Variants in MARCHF3 observed in about 807,000 individuals in gnomAD.
The protein encoded by MARCHF3 is E3 ubiquitin-protein ligase MARCHF3.
A neutral mutation model predicts 24.2 loss-of-function variants in MARCHF3; 13 were observed. That is an observed-to-expected ratio of 0.54 (90% CI 0.35 to 0.85). The LOEUF is 0.85. Ranked by LOEUF, MARCHF3 falls within the 40% of genes least tolerant of loss-of-function variation. MARCHF3 has a pLI of 0.01. For missense variants in MARCHF3, 276 were observed against 325.0 expected (o/e 0.85, Z 1.16); for synonymous variants, 144 against 137.3 (o/e 1.05, Z -0.34).
At position 126,998,142 on chromosome 5, in the gene MARCHF3, T is replaced by G. The variant is rs550351305; in HGVS notation, c.-57+32208A>C. On this transcript the variant is annotated intron_variant, in intron 1 of 4. Transcript: ENST00000308660. ...TTGGGTCTTGGAGAACTTTTATCTTTTATTTTGTCACAAGTAAATTAGAAA... is the reference window on the plus strand; with the variant it reads ...TTGGGTCTTGGAGAACTTTTATCTTGTATTTTGTCACAAGTAAATTAGAAA... 4.1e-4 allele frequency among the ~76,000 whole-genome samples: 62 copies of G among 152,340 alleles called. 1 individual carries two copies. In the East Asian group the frequency reaches 0.011, roughly 28 times the overall value.
At chr5:126,956,306 A>T (rs903734153) in intron 1 of MARCHF3, among the ~76,000 whole-genome samples, 1 of 152,142 alleles carries the variant, frequency 6.6e-6, no homozygotes, top group African/African-American at 2.4e-5. Flanking sequence ...CAGAGATCTT[A>T]TATTTCCCAT....
At chr5:127,028,579 G>A (rs919745142) in intron 1 of MARCHF3, among the ~76,000 whole-genome samples, 2 of 146,134 alleles carry the variant, frequency 1.4e-5, no homozygotes, top group African/African-American at 5.1e-5. Flanking sequence ...TTTTTTTTTG[G>A]TGCAAAATGA....
At chr5:126,897,566 C>G (rs1420477822) in intron 3 of MARCHF3, among the ~76,000 whole-genome samples, 1 of 151,958 alleles carries the variant, frequency 6.6e-6, no homozygotes, top group Admixed American at 6.6e-5. Flanking sequence ...TCTTATTGAG[C>G]AAGAATGGCA....
intron 1 of MARCHF3, among the ~76,000 whole-genome samples, chr5:127,015,363 GA>G (rs1382884747): frequency 6.6e-6 from 1 of 152,162 alleles, no homozygotes; most frequent in Non-Finnish European, 1.5e-5. Flanking sequence ...AAGGTCGAGG[GA>G]AGATGAGCAG....
At chr5:126,927,425 C>T (rs533208760) in intron 1 of MARCHF3, among the ~76,000 whole-genome samples, 1 of 152,308 alleles carries the variant, frequency 6.6e-6, no homozygotes, top group South Asian at 2.1e-4. Flanking sequence ...TAGGGAACCT[C>T]TTTAGGGAAC....
At position 126,998,449 on chromosome 5, in the gene MARCHF3, G is replaced by A. The variant is rs148361300; in HGVS notation, c.-57+31901C>T. Among the ~76,000 whole-genome samples, 3 of 152,322 alleles carry A rather than the reference G, an allele frequency of 2.0e-5. No individual in the cohort carries two copies. In the East Asian group the frequency reaches 5.8e-4, roughly 29 times the overall value. On this transcript the variant is annotated intron_variant, in intron 1 of 4. Coordinates refer to ENST00000308660, the MANE Select transcript of MARCHF3 (RefSeq NM_178450.5). ...TGAAACTGGAGAAGCTACACAAGAT[G>A]GGCATTTGGCCTTTCACCAACATGC...
intron 4 of MARCHF3, among the ~76,000 whole-genome samples, chr5:126,874,018 A>G (rs755814267): frequency 6.6e-6 from 1 of 152,262 alleles, no homozygotes; most frequent in Admixed American, 6.5e-5. Context: ...TGCTCCAACA[A>G]TAATGTTAGG....
At chr5:126,944,373 G>A (rs1251609785) in intron 1 of MARCHF3, among the ~76,000 whole-genome samples, 2 of 152,214 alleles carry the variant, frequency 1.3e-5, no homozygotes, top group Admixed American at 6.5e-5. Context: ...TGAAGTGGGT[G>A]GATGGCTTGA....
intron 1 of MARCHF3, among the ~76,000 whole-genome samples, chr5:126,922,511 CT>C (rs869136513): frequency 8.9e-6 from 1 of 112,260 alleles, no homozygotes; most frequent in African/African-American, 3.2e-5. Context: ...TCATTTCTGT[CT>C]TTTATTTATT....
At chr5:126,997,517 G>A (rs993624438) in intron 1 of MARCHF3, among the ~76,000 whole-genome samples, 5 of 152,202 alleles carry the variant, frequency 3.3e-5, no homozygotes, top group Admixed American at 3.3e-4. Flanking sequence ...CCCCTTACCA[G>A]GTAGAACTTC....
chr5:126,989,313 C>T (rs555874227), intron 1 of MARCHF3, among the ~76,000 whole-genome samples: 1 of 142,664 alleles, frequency 7.0e-6, no homozygotes, highest in East Asian at 2.0e-4. Flanking sequence ...ACTAGTACTA[C>T]TACTACTACT....
At chr5:126,974,271 G>T (rs1751120207) in intron 1 of MARCHF3, among the ~76,000 whole-genome samples, 1 of 152,178 alleles carries the variant, frequency 6.6e-6, no homozygotes, top group African/African-American at 2.4e-5. Context: ...CCCTCAAGCA[G>T]GTCAGATTGC....
Position 126,917,860 on chromosome 5 carries a change from T to C in MARCHF3, c.188+124A>G, listed in dbSNP as rs1050319992. On this transcript the variant is annotated intron_variant, in intron 2 of 4. Coordinates refer to ENST00000308660, the MANE Select transcript of MARCHF3 (RefSeq NM_178450.5). ...ACTCGTGTAGTCTTTTTTTTTTTTT[T>C]CCAGCACCTCCTCTCACCTGACACA... 11 of 940,918 alleles carry C rather than the reference T, an allele frequency of 1.2e-5. No homozygotes were observed. The African/African-American group carries it at 1.4e-4, about 12-fold the overall frequency. 58.3% of individuals were successfully genotyped at this position (940,918 alleles called of 1,614,324 possible).
intron 1 of MARCHF3, among the ~76,000 whole-genome samples, chr5:126,983,135 C>T (rs1407536930): frequency 6.6e-6 from 1 of 152,188 alleles, no homozygotes; most frequent in Non-Finnish European, 1.5e-5. Flanking sequence ...CTGGCTTAAC[C>T]ATGCAGAGGA....
intron 4 of MARCHF3, among the ~76,000 whole-genome samples, chr5:126,876,940 G>A (rs1464589335): frequency 1.3e-5 from 2 of 152,212 alleles, no homozygotes; most frequent in Non-Finnish European, 2.9e-5. Context: ...ATGAGCCACC[G>A]CGCCCAGCTG....
chr5:127,006,811 T>C (rs1217880905), intron 1 of MARCHF3, among the ~76,000 whole-genome samples: 2 of 152,160 alleles, frequency 1.3e-5, no homozygotes, highest in African/African-American at 4.8e-5. Flanking sequence ...ATATTAAAGG[T>C]TTGTTTTTAT....
At chr5:126,939,980 G>T (rs995232103) in intron 1 of MARCHF3, among the ~76,000 whole-genome samples, 1 of 152,090 alleles carries the variant, frequency 6.6e-6, no homozygotes, top group Non-Finnish European at 1.5e-5. Context: ...AGGAACACTA[G>T]CCAGCACTTC....
At chr5:127,022,326 G>A (rs1752830425) in intron 1 of MARCHF3, among the ~76,000 whole-genome samples, 4 of 152,138 alleles carry the variant, frequency 2.6e-5, no homozygotes, top group Admixed American at 2.6e-4. Flanking sequence ...TGACACTGAT[G>A]GTAACAGAGC....
chr5:126,989,764 A>T (rs560319225), intron 1 of MARCHF3, among the ~76,000 whole-genome samples: 2 of 152,276 alleles, frequency 1.3e-5, no homozygotes, highest in Non-Finnish European at 2.9e-5. Context: ...AATTATGAAC[A>T]GTTTCCTATT....
Sources: allele counts gnomAD v4.1 joint callset (sites outside exome capture counted in the v4.1 genomes callset), GRCh38; gene constraint gnomAD v4.1.1; transcripts MANE v1.5; gene names NCBI Gene and HGNC (gene_info 2026-07-23, HGNC 2026-07-21).